Variants in FNIP2 observed in about 807,000 individuals in gnomAD.
FNIP2 encodes folliculin interacting protein 2.
Under a neutral mutation model 108.7 loss-of-function variants are expected in FNIP2, and 32 were observed. That is an observed-to-expected ratio of 0.29 (90% confidence interval 0.22 to 0.40). The LOEUF (loss-of-function observed/expected upper bound fraction) is 0.40, where lower values mean the gene tolerates loss of function less well. FNIP2 is among the 10% of genes least tolerant of loss of function. FNIP2 has a pLI of 1.00. For missense variants in FNIP2, 1,202 were observed against 1,381.6 expected (o/e 0.87, Z 2.06); for synonymous variants, 480 against 496.7 (o/e 0.97, Z 0.45).
In FNIP2 at chr4:158,801,044, C is replaced by A. The variant is rs930700068; in HGVS notation, c.108-24872C>A. 1.7e-4 allele frequency among the ~76,000 whole-genome samples: 26 copies of A among 152,020 alleles called. 1 individual carries two copies. Among genetic ancestry groups the A allele is most frequent in the Admixed American group, 6.6e-4 (10 of 15,248 alleles). ...AAGTTAAATTATTTCCCAGGTAGTT[C>A]CACATTTTAAGTCAAAACAATAATA... is the stretch of plus-strand genomic sequence containing the variant. On this transcript the variant is annotated intron_variant, in intron 1 of 16. Transcript: ENST00000264433.
In FNIP2 at chr4:158,868,879, C is replaced by A. The variant is rs1780751241; in HGVS notation, c.2243C>A (p.Ser748Tyr). The A allele has an allele frequency of 6.2e-7, 1 of 1,613,878 alleles. No individual in the cohort carries two copies. Among genetic ancestry groups the A allele is most frequent in the Non-Finnish European group, 8.5e-7 (1 of 1,179,904 alleles). Residue 748 changes from serine (S) to tyrosine (Y), a missense_variant, in exon 13 of 17, where the codon TCC becomes TAC. Ser to Tyr is a moderately radical substitution (Grantham distance 144). Transcript: ENST00000264433. This position sits in a 1 kb window ranked among gnomAD's most constrained non-coding sequence, Gnocchi z 4.6. The stretch of plus-strand genomic sequence containing the variant: ...GAACGGGTGAAGGCCTGTGGCCCCT[C>A]CTTGGAGGCCAGTGAGGCTGCTGAT... ...MEERVKACGP[S>Y]LEASEAADVA...
rs1175160324 is a variant in FNIP2 at position 158,905,467 on chromosome 4, T to C, written c.*923T>C. 6.6e-6 allele frequency: 1 copy of C among 152,234 alleles called. No individual in the cohort carries two copies. Among genetic ancestry groups the C allele is most frequent in the East Asian group, 1.9e-4 (1 of 5,204 alleles). 9.4% of individuals were successfully genotyped at this position (152,234 alleles called of 1,614,324 possible). A position where few individuals can be genotyped will look rare whatever the true frequency, so the allele number is the denominator to read the frequency against. Reference sequence around the variant, plus strand: ...TTATAGTTAATACAAATGACTATTTTTACTTTAAAAGGCACAGCTGTCCTG... The same window carrying C: ...TTATAGTTAATACAAATGACTATTTCTACTTTAAAAGGCACAGCTGTCCTG... On this transcript the variant is annotated 3_prime_UTR_variant, in exon 17 of 17. Coordinates refer to ENST00000264433, the MANE Select transcript of FNIP2 (RefSeq NM_020840.3).
rs534285426 is a variant in FNIP2 at position 158,868,973 on chromosome 4, T to G, written c.2337T>G (p.Pro779=). 1 of 1,613,968 alleles carries G rather than the reference T, an allele frequency of 6.2e-7. No individual in the cohort carries two copies. The highest frequency in any genetic ancestry group is 1.1e-5 in the South Asian group (1 of 91,082). ...KPGFQENVCC[P]QNRLSEGDEG... Reference sequence around the variant, plus strand: ...GCTTTCAGGAGAATGTTTGCTGTCCTCAGAATCGGCTTTCAGAGGGGGATG... The same window carrying G: ...GCTTTCAGGAGAATGTTTGCTGTCCGCAGAATCGGCTTTCAGAGGGGGATG... Residue 779 remains proline (P), a synonymous_variant, in exon 13 of 17, where the codon CCT becomes CCG. Transcript: ENST00000264433. The surrounding 1 kb of genome is among the most constrained non-coding windows in gnomAD (Gnocchi z 4.6).
In FNIP2 at chr4:158,883,243, G is replaced by GTT. The variant is rs71587483; in HGVS notation, c.2950-8196_2950-8195dup. 1.9e-3 allele frequency among the ~76,000 whole-genome samples: 285 copies of GTT among 151,256 alleles called. 1 individual carries two copies. The highest frequency in any genetic ancestry group is 3.1e-3 in the Non-Finnish European group (208 of 67,778). On this transcript the variant is annotated intron_variant, in intron 14 of 16. Coordinates refer to ENST00000264433, the MANE Select transcript of FNIP2 (RefSeq NM_020840.3). ...CCCTTTGTGTGTGTGTGTGTTTTTT[G>GTT]TTTTTTTTGTTTTTTTGAGACGGAG...
intron 1 of FNIP2, among the ~76,000 whole-genome samples, chr4:158,784,956 G>A (rs1776173044): frequency 6.6e-6 from 1 of 152,114 alleles, no homozygotes; most frequent in South Asian, 2.1e-4. Flanking sequence ...TCCCTGTAGT[G>A]TATAGCATAA....
intron 1 of FNIP2, among the ~76,000 whole-genome samples, chr4:158,796,630 CAA>C (rs1309464752): frequency 1.3e-5 from 2 of 152,122 alleles, no homozygotes; most frequent in East Asian, 1.9e-4. Flanking sequence ...TTTAGCAACT[CAA>C]ATAGGACAGT....
chr4:158,803,414 A>G (rs1385785953), intron 1 of FNIP2, among the ~76,000 whole-genome samples: 1 of 151,790 alleles, frequency 6.6e-6, no homozygotes, highest in African/African-American at 2.4e-5. Flanking sequence ...GATTGGATTG[A>G]GGGAGAGAAC....
chr4:158,886,669 C>T (rs916135579), intron 14 of FNIP2, among the ~76,000 whole-genome samples: 4 of 152,190 alleles, frequency 2.6e-5, no homozygotes, highest in Admixed American at 6.5e-5. Flanking sequence ...AAAATTGATT[C>T]TCCTTAGCTT....
At chr4:158,859,303 G>A in intron 9 of FNIP2, 45 bp downstream of exon 9, 2 of 1,538,342 alleles carry the variant, frequency 1.3e-6, no homozygotes, top group Non-Finnish European at 1.8e-6. Flanking sequence ...GTGATTGTGG[G>A]GCTTTGAAGA....
Position 158,868,043 on chromosome 4 carries a change from A to G in FNIP2, c.1466-59A>G, listed in dbSNP as rs1780683657. 7 of 1,583,806 alleles carry G rather than the reference A, an allele frequency of 4.4e-6. No individual in the cohort carries two copies. Among genetic ancestry groups the G allele is most frequent in the South Asian group, 3.5e-5 (3 of 86,224 alleles). On this transcript the variant is annotated intron_variant, in intron 12 of 16. Transcript: ENST00000264433. The surrounding 1 kb of genome is among the most constrained non-coding windows in gnomAD (Gnocchi z 4.6). ...CTGTTTTGCTCTTGTAAAGACGGAT[A>G]TATCTGTGACATGCTAACCCCAGAG... is the stretch of plus-strand genomic sequence containing the variant.
chr4:158,781,429 G>A (rs1776042220), intron 1 of FNIP2, among the ~76,000 whole-genome samples: 1 of 152,166 alleles, frequency 6.6e-6, no homozygotes, highest in South Asian at 2.1e-4. Flanking sequence ...TTTAAATTTA[G>A]GTAACCCCAA....
Position 158,861,746 on chromosome 4 carries a change from C to T in FNIP2, c.1435C>T (p.His479Tyr). 2 of 1,614,034 alleles carry T rather than the reference C, an allele frequency of 1.2e-6. No individual in the cohort carries two copies. The highest frequency in any genetic ancestry group is 1.7e-6 in the Non-Finnish European group (2 of 1,179,898). The part of the protein sequence containing the change: ...SQSVNMLAKT[H>Y]PYNPLWAQLG... Reference sequence around the variant, plus strand: ...GTCAGTGAACATGCTGGCCAAAACACATCCGTATAATCCTCTTTGGGCACA... The same window carrying T: ...GTCAGTGAACATGCTGGCCAAAACATATCCGTATAATCCTCTTTGGGCACA... The change falls in exon 12 of 17, where the codon CAT becomes TAT. Residue 479 changes from histidine to tyrosine, a missense_variant. Around this residue, in one of 5 missense-constraint regions of FNIP2, gnomAD observed 878 missense variants for 990.3 expected, o/e 0.89. Transcript: ENST00000264433.
intron 7 of FNIP2, among the ~76,000 whole-genome samples, chr4:158,838,291 G>A (rs1004066306): frequency 4.2e-5 from 6 of 143,836 alleles, no homozygotes; most frequent in Non-Finnish European, 6.0e-5. Flanking sequence ...CACAGTCTTG[G>A]CTCACTGTAA....
intron 5 of FNIP2, among the ~76,000 whole-genome samples, chr4:158,832,616 G>A (rs532871980): frequency 2.6e-5 from 4 of 152,258 alleles, no homozygotes; most frequent in African/African-American, 4.8e-5. Context: ...GACATTCTTA[G>A]GGGTCAAGTA....
intron 15 of FNIP2, among the ~76,000 whole-genome samples, chr4:158,895,498 A>G (rs999380429): frequency 7.2e-5 from 11 of 152,224 alleles, no homozygotes; most frequent in African/African-American, 2.7e-4. Flanking sequence ...TGAAAAAAAT[A>G]CTTGTTTAAA....
At chr4:158,839,626 C>G (rs1779011077) in intron 7 of FNIP2, among the ~76,000 whole-genome samples, 1 of 152,158 alleles carries the variant, frequency 6.6e-6, no homozygotes, top group African/African-American at 2.4e-5. Context: ...CCTCACACTC[C>G]CAAAATAGTG....
chr4:158,786,618 A>T (rs575465122), intron 1 of FNIP2, among the ~76,000 whole-genome samples: 1 of 152,284 alleles, frequency 6.6e-6, no homozygotes, highest in East Asian at 1.9e-4. Flanking sequence ...TCAACTATAA[A>T]TTGTGCCTGT....
chr4:158,838,359 T>G (rs1778927871), intron 7 of FNIP2, among the ~76,000 whole-genome samples: 1 of 150,284 alleles, frequency 6.7e-6, no homozygotes, highest in African/African-American at 2.4e-5. Flanking sequence ...TAGCTAGGAC[T>G]ACAGGTACAT....
intron 16 of FNIP2, among the ~76,000 whole-genome samples, chr4:158,904,236 A>G (rs982011565): frequency 6.6e-6 from 1 of 152,120 alleles, no homozygotes; most frequent in African/African-American, 2.4e-5. Context: ...CAGGCACAAC[A>G]CACTTCCTGT....
Sources: gnomAD v4.1 joint callset for allele counts (sites outside exome capture counted in the v4.1 genomes callset) on GRCh38, gnomAD v4.1.1 for gene constraint, gnomAD v4.1.1 regional missense constraint, Gnocchi (gnomAD v3.1) non-coding constraint, MANE v1.5 for transcripts, NCBI Gene and HGNC (gene_info 2026-07-23, HGNC 2026-07-21) for gene names.